The following GALNT1 variants were observed in gnomAD, a reference collection of about 807,000 sequenced individuals.
GALNT1 encodes the protein GalNAc transferase 1.
Under a neutral mutation model 65.7 loss-of-function variants are expected in GALNT1, and 17 were observed. The ratio of observed to expected loss-of-function variants is 0.26; its 90% CI spans 0.18 to 0.39. The LOEUF (loss-of-function observed/expected upper bound fraction) is 0.39. Among genes scored for constraint, GALNT1 ranks in the 10% least tolerant of loss-of-function variants. The pLI, the probability that GALNT1 is intolerant of heterozygous loss-of-function variation, is 1.00. For synonymous variants in GALNT1, 210 were observed against 219.7 expected, an observed-to-expected ratio of 0.96 and a Z score of 0.39; for missense variants, 460 against 672.8, an observed-to-expected ratio of 0.68 and a Z score of 3.50.
intron 11 of GALNT1, among the ~76,000 whole-genome samples, chr18:35,705,944 G>A (rs959552825): frequency 3.9e-5 from 6 of 152,124 alleles, no homozygotes; most frequent in Non-Finnish European, 7.4e-5. Context: ...TACCACATGT[G>A]TTGCTCTTTA....
At chr18:35,613,433 C>T (rs1240062740) in intron 1 of GALNT1, among the ~76,000 whole-genome samples, 2 of 152,092 alleles carry the variant, frequency 1.3e-5, no homozygotes, top group Admixed American at 6.6e-5. Context: ...TTAAATGCAT[C>T]GTTGAGCTGA....
chr18:35,659,132 G>A (rs371579620), intron 2 of GALNT1, among the ~76,000 whole-genome samples: 4 of 152,160 alleles, frequency 2.6e-5, no homozygotes, highest in African/African-American at 9.7e-5. Flanking sequence ...TTTCATATTG[G>A]AAGTACCTAA....
intron 6 of GALNT1, 83 bp from the exon 7 acceptor site, chr18:35,689,090 T>C: frequency 1.2e-6 from 1 of 856,212 alleles, no homozygotes; most frequent in East Asian, 2.4e-5. Flanking sequence ...TAGTTATAAA[T>C]AGTTATGAAA....
chr18:35,645,151 C>T (rs2047213102), intron 1 of GALNT1, among the ~76,000 whole-genome samples: 1 of 150,612 alleles, frequency 6.6e-6, no homozygotes, highest in African/African-American at 2.4e-5. Context: ...TCTTTTGTAT[C>T]CTTCAATAAA....
chr18:35,690,944 G>A, intron 7 of GALNT1, 68 bp from the exon 8 acceptor site: 1 of 1,367,708 alleles, frequency 7.3e-7, no homozygotes, highest in Non-Finnish European at 9.8e-7. Context: ...AAATACTATG[G>A]GAAAACTAAG....
chr18:35,703,343 G>A (rs1808607085), intron 10 of GALNT1, among the ~76,000 whole-genome samples, 166 bp from the exon 11 acceptor site: 1 of 152,204 alleles, frequency 6.6e-6, no homozygotes. Context: ...TAACATCAAT[G>A]TAAATTAGTG....
chr18:35,673,911 T>C (rs2047668991), intron 3 of GALNT1, among the ~76,000 whole-genome samples: 2 of 152,212 alleles, frequency 1.3e-5, no homozygotes, highest in South Asian at 4.1e-4. Flanking sequence ...TAGAGTGCAC[T>C]TACACAAACC....
At chr18:35,665,595 A>T (rs9675892) in intron 3 of GALNT1, among the ~76,000 whole-genome samples, 74 of 152,262 alleles carry the variant, frequency 4.9e-4, no homozygotes, top group African/African-American at 1.6e-3. Flanking sequence ...CCAGGGGGGA[A>T]AAAAGACCTT....
At chr18:35,640,947 GAGA>G (rs931114253) in intron 1 of GALNT1, among the ~76,000 whole-genome samples, 20 of 152,276 alleles carry the variant, frequency 1.3e-4, no homozygotes, top group African/African-American at 4.3e-4. Context: ...TTTCTAGATA[GAGA>G]AGATTTTCTT....
rs1178205676 is a variant in GALNT1, at chr18:35,683,575, C to G, written c.666C>G (p.Leu222=). 1 of 1,613,580 alleles carries G rather than the reference C, an allele frequency of 6.2e-7. No homozygotes were observed. Residue 222 remains leucine, a synonymous_variant, in exon 5 of 12, where the codon CTC becomes CTG. Transcript: ENST00000269195. ...CECTVGWLEP[L]LARIKHDRRT... ...GTACAGTGGGATGGCTGGAGCCTCT[C>G]TTGGCCAGGATCAAACATGACAGGT...
intron 2 of GALNT1, among the ~76,000 whole-genome samples, chr18:35,655,850 T>G (rs1277545657): frequency 6.6e-6 from 1 of 152,216 alleles, no homozygotes; most frequent in Non-Finnish European, 1.5e-5. Context: ...TTGGGAAATC[T>G]GCCTAAAATT....
At position 35,691,137 on chromosome 18, in the gene GALNT1, A is replaced by G; in HGVS notation, c.1104A>G (p.Arg368=). 1 of 1,612,460 alleles carries G rather than the reference A, an allele frequency of 6.2e-7. No individual in the cohort carries two copies. The highest frequency in any genetic ancestry group is 8.5e-7 in the Non-Finnish European group (1 of 1,179,362). ...AGATTATCAATAAAAATAACAGACG[A>G]CTTGCAGAAGTGTGGATGGATGAAT... is the stretch of plus-strand genomic sequence containing the variant. ...TGQIINKNNR[R]LAEVWMDEFK... is the part of the protein sequence containing the mutation. Residue 368 remains arginine, a synonymous_variant, in exon 8 of 12, where the codon CGA becomes CGG. Coordinates refer to ENST00000269195, the MANE Select transcript of GALNT1 (RefSeq NM_020474.4).
In GALNT1 at chr18:35,711,068, C is replaced by T. The variant is rs940618476; in HGVS notation, c.*1298C>T. 2 of 152,222 alleles carry T rather than the reference C, an allele frequency of 1.3e-5. No individual in the cohort carries two copies. The highest frequency in any genetic ancestry group is 6.6e-5 in the Admixed American group (1 of 15,228). The allele number at this position is 152,222 out of a possible 1,614,324, so 9.4% of individuals were successfully genotyped here. ...ATATTAATAGGCTTGCATTTCTTTT[C>T]CTAAATCTTATTTAGGCTAAATCAG... is the stretch of plus-strand genomic sequence containing the variant. On this transcript the variant is annotated 3_prime_UTR_variant, in exon 12 of 12. Coordinates refer to ENST00000269195, the MANE Select transcript of GALNT1 (RefSeq NM_020474.4).
intron 1 of GALNT1, chr18:35,597,570 AT>A (rs2046521230): frequency 6.6e-6 from 1 of 152,422 alleles, no homozygotes; most frequent in Non-Finnish European, 1.5e-5. Flanking sequence ...TGCTCCTTTA[AT>A]TATCTCAACA....
intron 1 of GALNT1, among the ~76,000 whole-genome samples, chr18:35,605,045 A>C (rs971332286): frequency 6.6e-6 from 1 of 152,190 alleles, no homozygotes; most frequent in Non-Finnish European, 1.5e-5. Context: ...CCCATGCAAA[A>C]TATCTGGTTA....
At chr18:35,587,058 G>T (rs1332348308) in intron 1 of GALNT1, among the ~76,000 whole-genome samples, 3 of 151,956 alleles carry the variant, frequency 2.0e-5, no homozygotes. Context: ...TGTTTTGTTA[G>T]TTTTTATTGG....
chr18:35,699,037 C>G (rs1354398121), intron 9 of GALNT1, among the ~76,000 whole-genome samples: 1 of 152,120 alleles, frequency 6.6e-6, no homozygotes, highest in Non-Finnish European at 1.5e-5. Context: ...CCATCTGTCT[C>G]TGTATCATGT....
At chr18:35,703,959 T>A (rs1354020830) in intron 11 of GALNT1, among the ~76,000 whole-genome samples, 1 of 152,228 alleles carries the variant, frequency 6.6e-6, no homozygotes, top group East Asian at 1.9e-4. Flanking sequence ...AGTAGGCTTT[T>A]AAAATTACTT....
intron 1 of GALNT1, among the ~76,000 whole-genome samples, chr18:35,602,983 C>T (rs926214290): frequency 2.6e-5 from 4 of 152,164 alleles, no homozygotes; most frequent in Non-Finnish European, 4.4e-5. Context: ...TCTTGTCTTT[C>T]TAGAGTATGT....
Sources: allele counts gnomAD v4.1 joint callset (sites outside exome capture counted in the v4.1 genomes callset), GRCh38; gene constraint gnomAD v4.1.1; transcripts MANE v1.5; gene names NCBI Gene and HGNC (gene_info 2026-07-23, HGNC 2026-07-21).